Variants in CLNK observed in about 807,000 individuals in gnomAD.
The protein encoded by CLNK is cytokine dependent hematopoietic cell linker, also known as cytokine-dependent hematopoietic cell linker.
A neutral mutation model predicts 68.6 loss-of-function variants in CLNK; 74 were observed. The observed-to-expected ratio is 1.08, with a 90% confidence interval of 0.89 to 1.31. The LOEUF (loss-of-function observed/expected upper bound fraction) is 1.31, where lower values mean the gene tolerates loss of function less well. CLNK is among the 50% of genes most tolerant of loss of function. The pLI, the probability that CLNK is intolerant of heterozygous loss-of-function variation, is 0.00. For missense variants in CLNK, 553 were observed against 515.3 expected (o/e 1.07, Z -0.71); for synonymous variants, 198 against 172.2 (o/e 1.15, Z -1.17).
chr4:10,537,690 C>CTTTCTTT (rs1718840221), intron 11 of CLNK, among the ~76,000 whole-genome samples: 1 of 9,356 alleles, frequency 1.1e-4, no homozygotes, highest in African/African-American at 3.0e-4. Flanking sequence ...TTCCTTCCTT[C>CTTTCTTT]CTTCCTTCCT....
intron 2 of CLNK, among the ~76,000 whole-genome samples, chr4:10,647,121 C>A (rs960779904): frequency 1.3e-5 from 2 of 152,156 alleles, no homozygotes; most frequent in African/African-American, 4.8e-5. Context: ...ACTTCATTAA[C>A]CCCTACTAAG....
At chr4:10,537,791 T>A (rs1479803527) in intron 11 of CLNK, among the ~76,000 whole-genome samples, 1 of 148,288 alleles carries the variant, frequency 6.7e-6, no homozygotes, top group Admixed American at 6.8e-5. Flanking sequence ...CTTCCTTCTC[T>A]TGTTTGTTCT....
At chr4:10,656,868 T>G (rs1250986283) in intron 2 of CLNK, among the ~76,000 whole-genome samples, 2 of 152,130 alleles carry the variant, frequency 1.3e-5, no homozygotes, top group African/African-American at 4.8e-5. Flanking sequence ...ATATTATATT[T>G]CCATAAAATG....
chr4:10,725,719 T>G, the CLNK span, among the ~76,000 whole-genome samples: 142,804 of 151,974 alleles, frequency 0.94, 67,250 homozygotes, highest in East Asian at 1. Context: ...GCCGGGCGTG[T>G]TGGCGGGCGC....
At chr4:10,494,750 C>T (rs1480494051) in intron 18 of CLNK, among the ~76,000 whole-genome samples, 4 of 152,190 alleles carry the variant, frequency 2.6e-5, no homozygotes, top group African/African-American at 7.2e-5. Context: ...TGAGCCCCCG[C>T]GCCCAGCCTG....
chr4:10,634,868 G>A (rs1360177696), intron 2 of CLNK, among the ~76,000 whole-genome samples: 1 of 152,156 alleles, frequency 6.6e-6, no homozygotes, highest in Non-Finnish European at 1.5e-5. Flanking sequence ...GTTGGACTGG[G>A]ACTGGGACTT....
At chr4:10,679,418 A>G (rs889042997) in intron 1 of CLNK, among the ~76,000 whole-genome samples, 4 of 152,234 alleles carry the variant, frequency 2.6e-5, no homozygotes, top group African/African-American at 9.6e-5. Flanking sequence ...AAACCCTAGA[A>G]GAAAACCTAG....
intron 2 of CLNK, among the ~76,000 whole-genome samples, chr4:10,637,413 T>C (rs945214964): frequency 6.6e-6 from 1 of 150,878 alleles, no homozygotes; most frequent in African/African-American, 2.4e-5. Context: ...AATAGACCTT[T>C]ATGTGATAAG....
chr4:10,699,316 TAC>T, the CLNK span, among the ~76,000 whole-genome samples: 4 of 113,296 alleles, frequency 3.5e-5, no homozygotes, highest in East Asian at 2.8e-4. Flanking sequence ...CATACGTGTA[TAC>T]ACACACACCA....
chr4:10,577,587 A>G (rs1033491003), intron 4 of CLNK, among the ~76,000 whole-genome samples: 1 of 152,110 alleles, frequency 6.6e-6, no homozygotes, highest in African/African-American at 2.4e-5. Flanking sequence ...GTTGTTACGC[A>G]CTTTTTATTT....
chr4:10,628,256 A>T (rs1279029222), intron 2 of CLNK, among the ~76,000 whole-genome samples: 1 of 151,428 alleles, frequency 6.6e-6, no homozygotes, highest in African/African-American at 2.4e-5. Context: ...TTTCTCCCTC[A>T]CACAAACTCC....
chr4:10,510,477 C>A (rs1303325608), intron 16 of CLNK, among the ~76,000 whole-genome samples: 2 of 152,110 alleles, frequency 1.3e-5, no homozygotes, highest in African/African-American at 2.4e-5. Context: ...TATTGTAAAT[C>A]AAAAATAAAA....
At chr4:10,580,369 T>G (rs1196762728) in intron 4 of CLNK, among the ~76,000 whole-genome samples, 1 of 152,238 alleles carries the variant, frequency 6.6e-6, no homozygotes, top group Non-Finnish European at 1.5e-5. Context: ...TATATCATAC[T>G]TTTTATTGTT....
chr4:10,598,951 C>T (rs765326140), intron 2 of CLNK, among the ~76,000 whole-genome samples: 66 of 152,310 alleles, frequency 4.3e-4, no homozygotes, highest in Admixed American at 1.6e-3. Context: ...TTTCAGGTAC[C>T]GTTCCCTCTT....
chr4:10,523,385 T>C (rs1319155533), intron 14 of CLNK, among the ~76,000 whole-genome samples: 1 of 152,118 alleles, frequency 6.6e-6, no homozygotes, highest in Non-Finnish European at 1.5e-5. Context: ...TTGCAGAAGA[T>C]AGGGATTTGG....
Position 10,489,668 on chromosome 4 carries a change from CCTT to C in CLNK, c.*796_*798del, listed in dbSNP as rs1200673857. The C allele has an allele frequency of 3.3e-5, 1 of 30,300 alleles. No individual in the cohort carries two copies. The allele number at this position is 30,300 out of a possible 1,614,324, so 1.9% of individuals were successfully genotyped here. On this transcript the variant is annotated 3_prime_UTR_variant, in exon 19 of 19. Coordinates refer to ENST00000226951, the MANE Select transcript of CLNK (RefSeq NM_052964.4). Reference sequence around the variant, plus strand: ...AGAGCTAATATTCACCAACCCAACACCTTTTTTTTTTTTTGAGACGGAGTCTCT... The same window carrying C: ...AGAGCTAATATTCACCAACCCAACACTTTTTTTTTTTGAGACGGAGTCTCT...
rs560615693 is a variant in CLNK at position 10,610,719 on chromosome 4, T to G, written c.12-12670A>C. Among the ~76,000 whole-genome samples the G allele has an allele frequency of 3.3e-5, 5 of 151,950 alleles. No homozygotes were observed. In the East Asian group the frequency reaches 9.7e-4, roughly 29 times the overall value. ...TGTTCCTGGTGGTTTAATTTATAGG[T>G]GGTCATGCCTGAAAGATTCTGGATG... is the stretch of plus-strand genomic sequence containing the variant. On this transcript the variant is annotated intron_variant, in intron 2 of 18. Coordinates refer to ENST00000226951, the MANE Select transcript of CLNK (RefSeq NM_052964.4).
chr4:10,721,752 C>T, the CLNK span, among the ~76,000 whole-genome samples: 54 of 152,278 alleles, frequency 3.5e-4, 1 homozygote, highest in Admixed American at 2.0e-4. Flanking sequence ...AGAAGGAGCA[C>T]GGCATGACCT....
intron 2 of CLNK, among the ~76,000 whole-genome samples, chr4:10,617,540 C>A (rs935311771): frequency 2.0e-5 from 3 of 152,192 alleles, no homozygotes; most frequent in Non-Finnish European, 4.4e-5. Flanking sequence ...GTACTAGACA[C>A]TTGGTAGTTA....
Sources: allele counts gnomAD v4.1 joint callset (sites outside exome capture counted in the v4.1 genomes callset), GRCh38; gene constraint gnomAD v4.1.1; transcripts MANE v1.5; gene names NCBI Gene and HGNC (gene_info 2026-07-23, HGNC 2026-07-21).